Variants in TRAPPC2L observed in about 807,000 individuals in gnomAD.
TRAPPC2L encodes trafficking protein particle complex subunit 2-like protein.
A neutral mutation model predicts 13.2 loss-of-function variants in TRAPPC2L; 17 were observed. That is an observed-to-expected ratio of 1.29 (90% confidence interval 0.88 to 1.93). The LOEUF is 1.93. Among genes scored for constraint, TRAPPC2L ranks in the 30% most tolerant of loss-of-function variants. TRAPPC2L has a pLI of 0.00. For synonymous variants in TRAPPC2L, 150 were observed against 98.1 expected (o/e 1.53, Z -3.12); for missense variants, 359 against 252.1 (o/e 1.42, Z -2.87).
At chr16:88,858,434 C>A (rs1393979906) in intron 1 of TRAPPC2L, among the ~76,000 whole-genome samples, 185 bp from the exon 2 acceptor site, 1 of 152,134 alleles carries the variant, frequency 6.6e-6, no homozygotes, top group Admixed American at 6.5e-5. Flanking sequence ...ACATAAATCT[C>A]CTTAGGTTAG....
At chr16:88,856,871 C>T (rs544467763), upstream of TRAPPC2L, 21 of 1,509,422 alleles carry the variant, frequency 1.4e-5, 1 homozygote, top group African/African-American at 2.8e-4. Flanking sequence ...GCGACAACCG[C>T]CGCCATGGCA....
intron 2 of TRAPPC2L, 116 bp downstream of exon 2, chr16:88,858,907 A>G: frequency 8.9e-7 from 1 of 1,127,302 alleles, no homozygotes; most frequent in Non-Finnish European, 1.2e-6. Context: ...TTAGCCAGCC[A>G]GGGAATTAGG....
upstream of TRAPPC2L, chr16:88,856,252 A>G (rs1192587418): frequency 1.7e-5 from 12 of 702,990 alleles, no homozygotes; most frequent in South Asian, 1.2e-4. Context: ...GTCAGGTAAG[A>G]CTGGAGCCCA....
exon 1 of TRAPPC2L, chr16:88,857,149 AGATG>A: frequency 6.3e-7 from 1 of 1,581,696 alleles, no homozygotes; most frequent in Non-Finnish European, 8.5e-7. Flanking sequence ...GAGCCTCCCA[AGATG>A]GCGGTGTGCA....
chr16:88,859,845 G>A, intron 3 of TRAPPC2L, 48 bp from the exon 4 acceptor site: 1 of 1,581,528 alleles, frequency 6.3e-7, no homozygotes, highest in Non-Finnish European at 8.6e-7. Flanking sequence ...AAATCTGGCA[G>A]TGGCTGTGTG....
At chr16:88,860,889 T>C in exon 4 of TRAPPC2L, 2 of 1,581,732 alleles carry the variant, frequency 1.3e-6, no homozygotes, top group Non-Finnish European at 1.7e-6. Flanking sequence ...GGCTCTCCTC[T>C]GAGTGGGTCT....
exon 4 of TRAPPC2L, chr16:88,860,522 T>A (rs921902222): frequency 6.7e-6 from 4 of 596,350 alleles, no homozygotes; most frequent in Non-Finnish European, 1.2e-5. Flanking sequence ...GACGCTGCAG[T>A]GATCCAAGGC....
At chr16:88,860,137 C>G (rs1378681895) in exon 4 of TRAPPC2L, 1 of 728,938 alleles carries the variant, frequency 1.4e-6, no homozygotes, top group Non-Finnish European at 2.5e-6. Flanking sequence ...AGCCCCGTTT[C>G]TCCACACCAA....
upstream of TRAPPC2L, chr16:88,856,687 C>A (rs1967923294): frequency 1.7e-6 from 1 of 588,710 alleles, no homozygotes; most frequent in Non-Finnish European, 3.0e-6. Flanking sequence ...CCCCACCTCG[C>A]TCCTCCCTCC....
chr16:88,862,578 C>T (rs116112654), exon 4 of TRAPPC2L: 10 of 152,386 alleles, frequency 6.6e-5, no homozygotes, highest in Admixed American at 3.9e-4. Flanking sequence ...ACGCAGAACG[C>T]GGGAAGGACC....
upstream of TRAPPC2L, chr16:88,856,983 C>A (rs540548909): frequency 1.3e-3 from 1,852 of 1,390,552 alleles, 56 homozygotes; most frequent in Admixed American, 0.051. Context: ...CCACGTGACT[C>A]GCGGGGCGGG....
chr16:88,860,813 T>C (rs3826061), exon 4 of TRAPPC2L: 465,428 of 1,309,074 alleles, frequency 0.36, 86,479 homozygotes, highest in African/African-American at 0.57. Flanking sequence ...CTGGAGAAGG[T>C]CCCGAGCATC....
exon 4 of TRAPPC2L, chr16:88,861,663 G>T: frequency 2.0e-6 from 1 of 497,294 alleles, no homozygotes; most frequent in Admixed American, 2.2e-5. Context: ...CCAGGGCAGC[G>T]GCCGAGCCCA....
chr16:88,858,905 C>A, intron 2 of TRAPPC2L, 114 bp downstream of exon 2: 1 of 1,188,564 alleles, frequency 8.4e-7, no homozygotes, highest in Non-Finnish European at 1.2e-6. Flanking sequence ...TTTTAGCCAG[C>A]CAGGGAATTA....
chr16:88,859,444 G>T, intron 2 of TRAPPC2L: 1 of 701,900 alleles, frequency 1.4e-6, no homozygotes, highest in South Asian at 1.5e-5. Context: ...TGTGAACTGG[G>T]TAAGGCTTGG....
intron 2 of TRAPPC2L, chr16:88,859,182 G>C (rs1968201193): frequency 2.2e-6 from 1 of 464,800 alleles, no homozygotes; most frequent in South Asian, 1.8e-5. Flanking sequence ...CACTCGTCTA[G>C]TCCCTTGGGA....
At chr16:88,859,849 C>T in intron 3 of TRAPPC2L, 44 bp from the exon 4 acceptor site, 2 of 1,583,846 alleles carry the variant, frequency 1.3e-6, no homozygotes, top group East Asian at 4.5e-5. Context: ...CTGGCAGTGG[C>T]TGTGTGTATG....
chr16:88,860,722 G>A (rs963197696), exon 4 of TRAPPC2L: 24 of 643,746 alleles, frequency 3.7e-5, no homozygotes, highest in Non-Finnish European at 5.7e-5. Context: ...CAGGGAACTT[G>A]GAGGCAGCAG....
At chr16:88,859,515 T>C in intron 2 of TRAPPC2L, 148 bp from the exon 3 acceptor site, 1 of 812,254 alleles carries the variant, frequency 1.2e-6, no homozygotes. Flanking sequence ...TATTTAGGCT[T>C]GTACCCAGCA....
Sources: allele counts gnomAD v4.1 joint callset (sites outside exome capture counted in the v4.1 genomes callset), GRCh38; gene constraint gnomAD v4.1.1; transcripts MANE v1.5; gene names NCBI Gene and HGNC (gene_info 2026-07-23, HGNC 2026-07-21).